The following NREP variants were observed in gnomAD, a reference collection of about 807,000 sequenced individuals.
NREP encodes neuronal regeneration related protein, also known as neuronal regeneration-related protein.
NREP carries 5 observed loss-of-function variants against 8.6 expected under a neutral mutation model. The ratio of observed to expected loss-of-function variants is 0.58; its 90% CI spans 0.30 to 1.22. The LOEUF is 1.22. NREP is among the 50% of genes most tolerant of loss of function. The pLI, the probability that NREP is intolerant of heterozygous loss-of-function variation, is 0.07. For synonymous variants in NREP, 27 were observed against 28.0 expected, an observed-to-expected ratio of 0.96 and a Z score of 0.11; for missense variants, 86 against 82.5, an observed-to-expected ratio of 1.04 and a Z score of -0.17.
chr5:111,796,606 A>G (rs1349068588), intron 2 of NREP, among the ~76,000 whole-genome samples: 2 of 152,184 alleles, frequency 1.3e-5, no homozygotes, highest in Non-Finnish European at 2.9e-5. Context: ...GCAAAAGAAA[A>G]ATATCTTGAA....
At chr5:111,867,718 C>G (rs1753700082) in intron 2 of NREP, among the ~76,000 whole-genome samples, 1 of 152,024 alleles carries the variant, frequency 6.6e-6, no homozygotes, top group Non-Finnish European at 1.5e-5. Context: ...AATAAGAAAA[C>G]AAAACAGAAT....
At chr5:111,802,715 A>C (rs1752043101) in intron 2 of NREP, among the ~76,000 whole-genome samples, 1 of 152,248 alleles carries the variant, frequency 6.6e-6, no homozygotes. Flanking sequence ...TTTAAAACAT[A>C]ATGTATTCTT....
intron 2 of NREP, among the ~76,000 whole-genome samples, chr5:111,862,842 G>A (rs1340021598): frequency 2.6e-5 from 4 of 151,284 alleles, no homozygotes; most frequent in South Asian, 2.1e-4. Flanking sequence ...GAAGCATTTC[G>A]TATTTACAAA....
chr5:111,882,392 T>C (rs1754105023), intron 2 of NREP, among the ~76,000 whole-genome samples: 1 of 152,206 alleles, frequency 6.6e-6, no homozygotes, highest in Non-Finnish European at 1.5e-5. Flanking sequence ...TGGAACTAAG[T>C]TGGAAAACAC....
intron 2 of NREP, among the ~76,000 whole-genome samples, chr5:111,742,180 C>T (rs992348323): frequency 1.3e-5 from 2 of 152,144 alleles, no homozygotes; most frequent in African/African-American, 4.8e-5. Flanking sequence ...TATTATGCCA[C>T]AGATGATGTT....
intron 2 of NREP, among the ~76,000 whole-genome samples, chr5:111,903,065 ATTGTC>A (rs1383374665): frequency 6.8e-6 from 1 of 147,052 alleles, no homozygotes; most frequent in East Asian, 2.0e-4. Context: ...TTTTCCATGA[ATTGTC>A]TTGTCTTTTC....
chr5:111,854,531 A>C (rs1753383415), intron 2 of NREP, among the ~76,000 whole-genome samples: 1 of 152,170 alleles, frequency 6.6e-6, no homozygotes, highest in South Asian at 2.1e-4. Context: ...ACATTGGTGA[A>C]ACATGTGGGT....
At chr5:111,927,406 G>T (rs1755418714) in intron 2 of NREP, among the ~76,000 whole-genome samples, 1 of 152,132 alleles carries the variant, frequency 6.6e-6, no homozygotes, top group Non-Finnish European at 1.5e-5. Flanking sequence ...AAGGGTGAAA[G>T]GATGGGTGGC....
intron 2 of NREP, among the ~76,000 whole-genome samples, chr5:111,880,966 C>A (rs536957904): frequency 6.6e-6 from 1 of 152,282 alleles, no homozygotes; most frequent in East Asian, 1.9e-4. Flanking sequence ...GAGTGCCAGA[C>A]AGTGGGCACA....
chr5:111,810,994 T>TA (rs979715001), intron 2 of NREP, among the ~76,000 whole-genome samples: 150 of 152,058 alleles, frequency 9.9e-4, no homozygotes, highest in African/African-American at 3.4e-3. Flanking sequence ...TCACTGGGAA[T>TA]AAAAAAAACA....
intron 2 of NREP, among the ~76,000 whole-genome samples, chr5:111,941,732 T>C (rs1428001072): frequency 6.6e-6 from 1 of 152,098 alleles, no homozygotes; most frequent in African/African-American, 2.4e-5. Flanking sequence ...GGATTGATAA[T>C]AAAAGCTTCA....
intron 2 of NREP, among the ~76,000 whole-genome samples, chr5:111,910,273 A>G (rs1754876275): frequency 1.3e-5 from 2 of 151,996 alleles, no homozygotes; most frequent in Non-Finnish European, 2.9e-5. Flanking sequence ...ACGTGGAAGC[A>G]TTTACAATTT....
chr5:111,801,383 G>A (rs1335562671), intron 2 of NREP, among the ~76,000 whole-genome samples: 1 of 152,156 alleles, frequency 6.6e-6, no homozygotes, highest in African/African-American at 2.4e-5. Context: ...TCGAAAAGAA[G>A]GCAATGGCAA....
chr5:111,747,212 T>C (rs1289828611), intron 2 of NREP, among the ~76,000 whole-genome samples: 1 of 152,198 alleles, frequency 6.6e-6, no homozygotes, highest in East Asian at 1.9e-4. Flanking sequence ...ACTGACTAGT[T>C]TTCCCTTGAT....
At chr5:111,879,794 T>A in intron 2 of NREP, among the ~76,000 whole-genome samples, 1 of 151,090 alleles carries the variant, frequency 6.6e-6, no homozygotes, top group Non-Finnish European at 1.5e-5. Context: ...AGCCAACTTC[T>A]TTTTGTAGTC....
chr5:111,826,153 G>C (rs1752618877), intron 2 of NREP, among the ~76,000 whole-genome samples: 1 of 152,048 alleles, frequency 6.6e-6, no homozygotes, highest in East Asian at 1.9e-4. Flanking sequence ...CTGAAGGATT[G>C]TAAATCCACC....
At chr5:111,862,310 T>C (rs1350023054) in intron 2 of NREP, among the ~76,000 whole-genome samples, 2 of 152,184 alleles carry the variant, frequency 1.3e-5, no homozygotes, top group East Asian at 1.9e-4. Context: ...CAGACTGTCA[T>C]TGAAATATTT....
At chr5:111,854,366 G>C (rs913689896) in intron 2 of NREP, among the ~76,000 whole-genome samples, 5 of 152,106 alleles carry the variant, frequency 3.3e-5, no homozygotes, top group African/African-American at 1.2e-4. Context: ...CACTTTGTAG[G>C]GTTTCACCTG....
At chr5:111,855,554 C>T (rs1191505038) in intron 2 of NREP, among the ~76,000 whole-genome samples, 1 of 152,274 alleles carries the variant, frequency 6.6e-6, no homozygotes, top group South Asian at 2.1e-4. Flanking sequence ...CTTTATCTTT[C>T]TGTGAAGTGA....
Sources: allele counts gnomAD v4.1 joint callset (sites outside exome capture counted in the v4.1 genomes callset), GRCh38; gene constraint gnomAD v4.1.1; transcripts MANE v1.5; gene names NCBI Gene and HGNC (gene_info 2026-07-23, HGNC 2026-07-21).